Variants in FAM168A observed in about 807,000 individuals in gnomAD.
The protein encoded by FAM168A is protein FAM168A.
A neutral mutation model predicts 28.5 loss-of-function variants in FAM168A; 3 were observed. That is an observed-to-expected ratio of 0.11 (90% CI 0.05 to 0.27). The LOEUF (loss-of-function observed/expected upper bound fraction) is 0.27, where lower values mean the gene tolerates loss of function less well. FAM168A is among the 10% of genes least tolerant of loss of function. The probability of loss-of-function intolerance (pLI) is 1.00; values close to 1 mark genes in which losing one functional copy is unlikely to be tolerated. For missense variants in FAM168A, 222 were observed against 311.5 expected, an observed-to-expected ratio of 0.71 and a Z score of 2.16; for synonymous variants, 122 against 124.2, an observed-to-expected ratio of 0.98 and a Z score of 0.12.
At chr11:73,483,032 A>G (rs1054205003) in intron 1 of FAM168A, among the ~76,000 whole-genome samples, 2 of 152,186 alleles carry the variant, frequency 1.3e-5, no homozygotes, top group Non-Finnish European at 2.9e-5. Flanking sequence ...CACCCAGCCA[A>G]GAACAGGTTT....
At chr11:73,465,783 T>G (rs558874834) in intron 2 of FAM168A, among the ~76,000 whole-genome samples, 1 of 152,344 alleles carries the variant, frequency 6.6e-6, no homozygotes, top group Admixed American at 6.5e-5. Context: ...ATATAGTCTA[T>G]GCTTAAACAT....
intron 1 of FAM168A, among the ~76,000 whole-genome samples, chr11:73,524,056 T>G (rs557991865): frequency 1.3e-5 from 2 of 152,152 alleles, no homozygotes; most frequent in South Asian, 4.1e-4. Flanking sequence ...TAGTTTTGAC[T>G]GGGTATAGAA....
At chr11:73,454,174 G>C (rs1252313013) in intron 2 of FAM168A, among the ~76,000 whole-genome samples, 1 of 152,048 alleles carries the variant, frequency 6.6e-6, no homozygotes, top group Non-Finnish European at 1.5e-5. Context: ...ATTCCAAGAA[G>C]GAACACAGAA....
intron 1 of FAM168A, among the ~76,000 whole-genome samples, chr11:73,508,494 G>A (rs903388639): frequency 1.3e-5 from 2 of 152,100 alleles, no homozygotes; most frequent in South Asian, 2.1e-4. Context: ...CCACCAAGTC[G>A]GAACAAAATT....
chr11:73,471,896 C>G (rs1867819290), intron 1 of FAM168A, among the ~76,000 whole-genome samples: 2 of 152,154 alleles, frequency 1.3e-5, no homozygotes, highest in South Asian at 4.1e-4. Context: ...GGCCATGGAC[C>G]AGCACCAGTC....
chr11:73,439,997 T>C (rs1344986382), intron 2 of FAM168A, among the ~76,000 whole-genome samples: 1 of 150,168 alleles, frequency 6.7e-6, no homozygotes, highest in Non-Finnish European at 1.5e-5. Context: ...GTGATTCTCC[T>C]GCCTCAGCCT....
chr11:73,576,257 C>G (rs1944173597), intron 1 of FAM168A, among the ~76,000 whole-genome samples: 2 of 152,252 alleles, frequency 1.3e-5, no homozygotes, highest in Non-Finnish European at 2.9e-5. Flanking sequence ...ATTACCCAAC[C>G]AGCATGAACA....
intron 1 of FAM168A, among the ~76,000 whole-genome samples, chr11:73,477,666 T>C (rs990838588): frequency 3.3e-5 from 5 of 151,218 alleles, no homozygotes; most frequent in African/African-American, 4.9e-5. Context: ...AGACAGGAGG[T>C]TGGTATATTC....
intron 2 of FAM168A, among the ~76,000 whole-genome samples, chr11:73,455,592 T>A (rs1867516543): frequency 6.6e-6 from 1 of 152,248 alleles, no homozygotes. Context: ...CTTACAGATC[T>A]GTGCTGGTTA....
At chr11:73,576,351 A>C (rs1944175130) in intron 1 of FAM168A, among the ~76,000 whole-genome samples, 1 of 152,212 alleles carries the variant, frequency 6.6e-6, no homozygotes, top group South Asian at 2.1e-4. Flanking sequence ...GAGAATCCAA[A>C]TACCACCGGG....
chr11:73,409,242 C>T (rs1251104304), intron 6 of FAM168A, among the ~76,000 whole-genome samples: 2 of 152,132 alleles, frequency 1.3e-5, no homozygotes, highest in Admixed American at 1.3e-4. Flanking sequence ...TCTGCACCAC[C>T]CTTCCCTCTT....
intron 2 of FAM168A, among the ~76,000 whole-genome samples, chr11:73,442,656 T>A (rs1289294428): frequency 6.6e-6 from 1 of 152,058 alleles, no homozygotes; most frequent in East Asian, 1.9e-4. Flanking sequence ...TACTTTGGTA[T>A]GAGTTCAATC....
At chr11:73,489,721 G>A (rs915804667) in intron 1 of FAM168A, among the ~76,000 whole-genome samples, 1 of 151,974 alleles carries the variant, frequency 6.6e-6, no homozygotes, top group Non-Finnish European at 1.5e-5. Flanking sequence ...GTGTTGCCTG[G>A]GCTGGTCTTG....
At chr11:73,569,764 C>T (rs1421869958) in intron 1 of FAM168A, among the ~76,000 whole-genome samples, 1 of 151,848 alleles carries the variant, frequency 6.6e-6, no homozygotes, top group African/African-American at 2.4e-5. Context: ...TCGGAGGTTG[C>T]AGTGAGCTGG....
At chr11:73,417,847 C>A (rs1345122781) in intron 4 of FAM168A, among the ~76,000 whole-genome samples, 2 of 152,076 alleles carry the variant, frequency 1.3e-5, no homozygotes, top group Non-Finnish European at 2.9e-5. Context: ...GTGTGAGCCA[C>A]CGCGCCTGGC....
chr11:73,576,067 T>G (rs1230029095), intron 1 of FAM168A, among the ~76,000 whole-genome samples: 1 of 152,244 alleles, frequency 6.6e-6, no homozygotes, highest in East Asian at 1.9e-4. Context: ...GAATTAAATT[T>G]CAATTTTCAT....
chr11:73,517,787 C>CTGTA (rs1416252586), intron 1 of FAM168A, among the ~76,000 whole-genome samples: 1 of 152,162 alleles, frequency 6.6e-6, no homozygotes, highest in Non-Finnish European at 1.5e-5. Context: ...AAGGCAGATA[C>CTGTA]TGTAGCTTTT....
Position 73,407,550 on chromosome 11 carries a change from T to C in FAM168A, c.689A>G (p.Tyr230Cys), listed in dbSNP as rs1376660933. Residue 230 changes from tyrosine to cysteine, a missense_variant, in exon 7 of 8, where the codon TAC becomes TGC. Around this residue, in one of 3 missense-constraint regions of FAM168A, gnomAD observed 64 missense variants for 94.6 expected, o/e 0.68. Coordinates refer to ENST00000356467, the MANE Select transcript of FAM168A (RefSeq NM_015159.3). The part of the protein sequence containing the change: ...YRAQGTPAYS[Y>C]VPPHW ...CAGGCTTTACCAGTGTGGGGGCACG[T>C]AGCTGTACGCAGGGGTTCCTTGGGC... 5 of 1,596,978 alleles carry C rather than the reference T, an allele frequency of 3.1e-6. No individual in the cohort carries two copies. In the South Asian group the frequency reaches 3.4e-5, roughly 11 times the overall value.
At chr11:73,593,920 C>T (rs548825001) in intron 1 of FAM168A, among the ~76,000 whole-genome samples, 1 of 152,144 alleles carries the variant, frequency 6.6e-6, no homozygotes, top group Non-Finnish European at 1.5e-5. Flanking sequence ...CTTTTCTCAC[C>T]GTATTTGTCT....
Sources: gnomAD v4.1 joint callset for allele counts (sites outside exome capture counted in the v4.1 genomes callset) on GRCh38, gnomAD v4.1.1 for gene constraint, gnomAD v4.1.1 regional missense constraint, MANE v1.5 for transcripts, NCBI Gene and HGNC (gene_info 2026-07-23, HGNC 2026-07-21) for gene names.